Variants in RAB29 observed in about 807,000 individuals in gnomAD.
RAB29 encodes the protein ras-related protein Rab-29.
In RAB29, 13 loss-of-function variants were observed where a neutral mutation model predicts 25.5. The ratio of observed to expected loss-of-function variants is 0.51; its 90% CI spans 0.33 to 0.81. The LOEUF (loss-of-function observed/expected upper bound fraction) is 0.81, where lower values mean the gene tolerates loss of function less well. Ranked by LOEUF, RAB29 falls within the 30% of genes least tolerant of loss-of-function variation. The pLI, the probability that RAB29 is intolerant of heterozygous loss-of-function variation, is 0.02. For synonymous variants in RAB29, 88 were observed against 95.0 expected (o/e 0.93, Z 0.43); for missense variants, 201 against 254.9 (o/e 0.79, Z 1.44).
intron 2 of RAB29, among the ~76,000 whole-genome samples, chr1:205,773,242 G>A (rs1398663036): frequency 6.6e-6 from 1 of 152,142 alleles, no homozygotes; most frequent in East Asian, 1.9e-4. Flanking sequence ...GAGAAACAGA[G>A]TAATTTCTGA....
At chr1:205,772,293 C>T (rs779680051) in intron 3 of RAB29, among the ~76,000 whole-genome samples, 1 of 152,308 alleles carries the variant, frequency 6.6e-6, no homozygotes, top group Non-Finnish European at 1.5e-5. Context: ...GCCCCTCCAT[C>T]CACATAGAGA....
chr1:205,769,762 A>T lies in RAB29; in HGVS notation c.*580T>A, dbSNP rs913674318. The T allele has an allele frequency of 1.3e-5, 2 of 154,544 alleles. No individual in the cohort carries two copies. Among genetic ancestry groups the T allele is most frequent in the Admixed American group, 1.3e-4 (2 of 15,576 alleles). The allele number at this position is 154,544 out of a possible 1,614,324, so 9.6% of individuals were successfully genotyped here. On this transcript the variant is annotated 3_prime_UTR_variant, in exon 6 of 6. Transcript: ENST00000367139. The stretch of plus-strand genomic sequence containing the variant: ...TGACTATTCTTGATGCCAAGACAAG[A>T]GAAACTTAATTATGACGTTAGAAGT...
chr1:205,770,361 G>C lies in RAB29; in HGVS notation c.593C>G (p.Ser198Cys). 1 of 1,613,790 alleles carries C rather than the reference G, an allele frequency of 6.2e-7. No homozygotes were observed. Among genetic ancestry groups the C allele is most frequent in the Non-Finnish European group, 8.5e-7 (1 of 1,179,632 alleles). The change falls in exon 6 of 6, where the codon TCC (serine) becomes TGC (cysteine). Residue 198 changes from serine (S) to cysteine (C), a missense_variant. Physicochemically the swap from Ser to Cys is moderately radical, Grantham distance 112 (BLOSUM62 -1). Coordinates refer to ENST00000367139, the MANE Select transcript of RAB29 (RefSeq NM_003929.3). Reference sequence around the variant, plus strand: ...ACACTACTAGCAGCAGGACCAGCTGGAGGACTTGGTTTGTAGATTGATGTA... The same window carrying C: ...ACACTACTAGCAGCAGGACCAGCTGCAGGACTTGGTTTGTAGATTGATGTA... ...GDYINLQTKSSSWSCC is the reference protein window; with the variant it reads ...GDYINLQTKSCSWSCC
intron 5 of RAB29, 21 bp downstream of exon 5, chr1:205,770,712 C>A: frequency 6.2e-7 from 1 of 1,613,830 alleles, no homozygotes; most frequent in South Asian, 1.1e-5. Flanking sequence ...ATCTGCATGC[C>A]TATCAGCATG....
intron 3 of RAB29, 91 bp from the exon 4 acceptor site, chr1:205,771,744 T>G (rs966105874): frequency 6.3e-6 from 8 of 1,260,970 alleles, no homozygotes; most frequent in Non-Finnish European, 6.9e-6. Flanking sequence ...ATGTGTCAGA[T>G]GGGGCCACTC....
At position 205,773,726 on chromosome 1, in the gene RAB29, G is replaced by C. The variant is rs150364464; in HGVS notation, c.124+1107C>G. Reference sequence around the variant, plus strand: ...TGCCATGTTTCCCATGGCTGGTCTCGAACTCCTGGGCTCAAGCAATCCTCC... The same window carrying C: ...TGCCATGTTTCCCATGGCTGGTCTCCAACTCCTGGGCTCAAGCAATCCTCC... On this transcript the variant is annotated intron_variant, in intron 2 of 5. Coordinates refer to ENST00000367139, the MANE Select transcript of RAB29 (RefSeq NM_003929.3). Among the ~76,000 whole-genome samples the C allele has an allele frequency of 4.4e-3, 666 of 152,078 alleles. 7 individuals are homozygous for C. Among genetic ancestry groups the C allele is most frequent in the African/African-American group, 0.015 (627 of 41,468 alleles).
At position 205,770,368 on chromosome 1, in the gene RAB29, TG is replaced by T. The variant is rs1654923915; in HGVS notation, c.585del (p.Lys196SerfsTer40). The T allele has an allele frequency of 6.2e-7, 1 of 1,614,014 alleles. No homozygotes were observed. On this transcript the variant is annotated frameshift_variant, in exon 6 of 6. Transcript: ENST00000367139. LOFTEE classifies it high-confidence loss of function. Reference protein sequence around the residue: ...STQGDYINLQTKSSSWSCC With the variant: ...STQGDYINLQXKSSSWSCC ...TAGCAGCAGGACCAGCTGGAGGACT[TG>T]GTTTGTAGATTGATGTAGTCCCCTT... is the stretch of plus-strand genomic sequence containing the variant.
At position 205,768,269 on chromosome 1, in the gene RAB29, G is replaced by C. The variant is rs1025409089; in HGVS notation, c.*2073C>G. Reference sequence around the variant, plus strand: ...TATGTGGCCTCTGATCTCTTTCTTAGGGCAGTGGTTTTCAACGTCTGTGTA... The same window carrying C: ...TATGTGGCCTCTGATCTCTTTCTTACGGCAGTGGTTTTCAACGTCTGTGTA... On this transcript the variant is annotated 3_prime_UTR_variant, in exon 6 of 6. Transcript: ENST00000367139. 1 of 152,170 alleles carries C rather than the reference G, an allele frequency of 6.6e-6. No homozygotes were observed. Among genetic ancestry groups the C allele is most frequent in the Non-Finnish European group, 1.5e-5 (1 of 68,036 alleles). 9.4% of individuals were successfully genotyped at this position (152,170 alleles called of 1,614,324 possible).
intron 2 of RAB29, among the ~76,000 whole-genome samples, 160 bp downstream of exon 2, chr1:205,774,673 C>T (rs1463554512): frequency 1.3e-5 from 2 of 152,152 alleles, no homozygotes; most frequent in Non-Finnish European, 1.5e-5. Flanking sequence ...AAACCAAACA[C>T]CCGGCAATTA....
At chr1:205,770,969 C>T in intron 4 of RAB29, 115 bp from the exon 5 acceptor site, 2 of 1,321,596 alleles carry the variant, frequency 1.5e-6, no homozygotes, top group Non-Finnish European at 2.1e-6. Flanking sequence ...AGAACACCAG[C>T]ATCGGAAATC....
intron 2 of RAB29, among the ~76,000 whole-genome samples, chr1:205,773,587 C>T (rs557008772): frequency 3.3e-5 from 5 of 152,248 alleles, no homozygotes; most frequent in South Asian, 4.1e-4. Context: ...GTGGTGCGAA[C>T]GGGGCTCACT....
Position 205,771,226 on chromosome 1 carries a change from G to A in RAB29, c.378+246C>T, listed in dbSNP as rs189077488. 5.3e-4 allele frequency: 281 copies of A among 527,756 alleles called. 1 individual carries two copies. The East Asian group carries it at 9.0e-3, about 17-fold the overall frequency. 32.7% of individuals were successfully genotyped at this position (527,756 alleles called of 1,614,324 possible). A position where few individuals can be genotyped will look rare whatever the true frequency, so the allele number is the denominator to read the frequency against. On this transcript the variant is annotated intron_variant, in intron 4 of 5. Transcript: ENST00000367139. The stretch of plus-strand genomic sequence containing the variant: ...AGGCAAGAGAATGGCGTGAACCTGG[G>A]AGGCAGAGCTGGCAGTGAGCCGAGA...
Position 205,771,501 on chromosome 1 carries a change from G to A in RAB29, c.349C>T (p.Pro117Ser), listed in dbSNP as rs1381553572. The A allele has an allele frequency of 6.2e-7, 1 of 1,614,176 alleles. No homozygotes were observed. The highest frequency in any genetic ancestry group is 2.2e-5 in the East Asian group (1 of 44,884). Residue 117 changes from proline (P) to serine (S), a missense_variant, in exon 4 of 6, where the codon CCG (proline) becomes TCG (serine). Transcript: ENST00000367139. ...TTGGCCAAGAGCAGGCAGGGCACCG[G>A]CTCTCCATTGGGTAGTGTGAGCTTG... Reference protein sequence around the residue: ...DSKLTLPNGEPVPCLLLANKC... With the variant: ...DSKLTLPNGESVPCLLLANKC...
rs1238176685 is a variant in RAB29 at position 205,770,637 on chromosome 1, G to A, written c.500+96C>T. On this transcript the variant is annotated intron_variant, in intron 5 of 5. Transcript: ENST00000367139. ...TAGGGGCTAGCATTCCAATGGCTCA[G>A]TCTGTCATTGTTGGCTCAGAAATAA... 5.1e-6 allele frequency: 8 copies of A among 1,566,636 alleles called. No homozygotes were observed. The Admixed American group carries it at 1.2e-4, about 24-fold the overall frequency.
chr1:205,771,476 T>G lies in RAB29; in HGVS notation c.374A>C (p.Asn125Thr). The change falls in exon 4 of 6, where the codon AAC becomes ACC. Residue 125 changes from asparagine (N) to threonine (T), a missense_variant. By Grantham distance (65) the Asn-to-Thr change is moderately conservative. Coordinates refer to ENST00000367139, the MANE Select transcript of RAB29 (RefSeq NM_003929.3). ...GEPVPCLLLA[N>T]KCDLSPWAVS... is the part of the protein sequence containing the mutation. Reference sequence around the variant, plus strand: ...TTTCTGAGATTGGCCACATACCTTGTTGGCCAAGAGCAGGCAGGGCACCGG... The same window carrying G: ...TTTCTGAGATTGGCCACATACCTTGGTGGCCAAGAGCAGGCAGGGCACCGG... 6.2e-7 allele frequency: 1 copy of G among 1,614,006 alleles called. No homozygotes were observed. Among genetic ancestry groups the G allele is most frequent in the Non-Finnish European group, 8.5e-7 (1 of 1,179,982 alleles).
chr1:205,768,360 A>T lies in RAB29; in HGVS notation c.*1982T>A, dbSNP rs925174429. On this transcript the variant is annotated 3_prime_UTR_variant, in exon 6 of 6. Coordinates refer to ENST00000367139, the MANE Select transcript of RAB29 (RefSeq NM_003929.3). ...AGGATTTGTATTTGTATTTAAATGT[A>T]AATACAAAAGGTCTGGGTCTCTGTA... 6.6e-6 allele frequency: 1 copy of T among 152,272 alleles called. No individual in the cohort carries two copies. The highest frequency in any genetic ancestry group is 3.4e-3 in the Middle Eastern group (1 of 294). The allele number at this position is 152,272 out of a possible 1,614,324, so 9.4% of individuals were successfully genotyped here. A position where few individuals can be genotyped will look rare whatever the true frequency, so the allele number is the denominator to read the frequency against.
chr1:205,771,957 T>G (rs1655050052), intron 3 of RAB29, among the ~76,000 whole-genome samples: 2 of 151,834 alleles, frequency 1.3e-5, no homozygotes. Flanking sequence ...TTTTTTTTTT[T>G]TTTTTTGAAA....
rs1246746707 is a variant in RAB29 at position 205,770,733 on chromosome 1, C to T, written c.500G>A (p.Arg167Lys). ...ATGCCTATCAGCATGAGCTACTTAC[C>T]TCATAGCCTCATTAATATTTTTGTT... ...KENKNINEAM[R>K]VLIEKMMRNS... is the part of the protein sequence containing the mutation. The change falls in exon 5 of 6, where the codon AGA (arginine) becomes AAA (lysine). Residue 167 changes from arginine (R) to lysine (K), a missense_variant and splice_region_variant. Transcript: ENST00000367139. The T allele has an allele frequency of 6.2e-7, 1 of 1,614,116 alleles. No homozygotes were observed. The highest frequency in any genetic ancestry group is 1.7e-5 in the Admixed American group (1 of 60,028).
chr1:205,774,809 C>A (rs769448750), intron 2 of RAB29, 24 bp downstream of exon 2: 1 of 1,522,338 alleles, frequency 6.6e-7, no homozygotes, highest in Non-Finnish European at 8.9e-7. Flanking sequence ...CCCCCTCCCC[C>A]TCCCCACCCC....
Sources: allele counts gnomAD v4.1 joint callset (sites outside exome capture counted in the v4.1 genomes callset), GRCh38; gene constraint gnomAD v4.1.1; transcripts MANE v1.5; gene names NCBI Gene and HGNC (gene_info 2026-07-23, HGNC 2026-07-21).